Variants in IFT56 observed in about 807,000 individuals in gnomAD.
IFT56 encodes the protein intraflagellar transport 56.
At chr7:139,143,195 G>A in the IFT56 span, among the ~76,000 whole-genome samples, 26 of 152,150 alleles carry the variant, frequency 1.7e-4, no homozygotes, top group East Asian at 4.1e-3. Context: ...CAACTTTAAA[G>A]CTTTTAATTG....
chr7:139,188,108 T>TC, the IFT56 span, among the ~76,000 whole-genome samples: 4 of 149,948 alleles, frequency 2.7e-5, no homozygotes, highest in African/African-American at 4.9e-5. Context: ...TTTCTTTCTT[T>TC]TTTTTTTTTT....
At chr7:139,152,982 C>T in the IFT56 span, among the ~76,000 whole-genome samples, 1 of 151,942 alleles carries the variant, frequency 6.6e-6, no homozygotes, top group South Asian at 2.1e-4. Context: ...AACCCCGACT[C>T]TACTAAAATA....
At chr7:139,176,209 G>A in the IFT56 span, among the ~76,000 whole-genome samples, 16 of 151,746 alleles carry the variant, frequency 1.1e-4, no homozygotes, top group African/African-American at 3.6e-4. Flanking sequence ...AGTATAATTG[G>A]ATTGTTTGTA....
the IFT56 span, among the ~76,000 whole-genome samples, chr7:139,135,733 T>G: frequency 6.6e-6 from 1 of 152,074 alleles, no homozygotes; most frequent in East Asian, 1.9e-4. Context: ...GAAACACATG[T>G]TATAGGAGGG....
chr7:139,181,407 T>C, the IFT56 span, among the ~76,000 whole-genome samples: 2 of 152,248 alleles, frequency 1.3e-5, no homozygotes, highest in African/African-American at 2.4e-5. Context: ...GAAATAATTA[T>C]TTAGACAGGA....
At chr7:139,173,964 C>A in the IFT56 span, 1 of 669,424 alleles carries the variant, frequency 1.5e-6, no homozygotes, top group Non-Finnish European at 2.8e-6. Flanking sequence ...TCCTTTGCTG[C>A]TGCCAGAGGA....
the IFT56 span, among the ~76,000 whole-genome samples, chr7:139,138,904 G>A: frequency 6.7e-6 from 1 of 150,232 alleles, no homozygotes; most frequent in Admixed American, 6.7e-5. Flanking sequence ...TCCGCCTCCC[G>A]GGTTCAAGCA....
chr7:139,190,146 T>G, the IFT56 span: 1 of 152,246 alleles, frequency 6.6e-6, no homozygotes, highest in Non-Finnish European at 1.5e-5. Context: ...TAGTCCATTA[T>G]AGTTTGGTAC....
chr7:139,157,330 A>G, the IFT56 span, among the ~76,000 whole-genome samples: 2 of 150,848 alleles, frequency 1.3e-5, no homozygotes, highest in Admixed American at 1.3e-4. Context: ...GATTTTTAGT[A>G]GAGATGGGGT....
the IFT56 span, among the ~76,000 whole-genome samples, chr7:139,138,183 T>C: frequency 6.6e-6 from 1 of 152,186 alleles, no homozygotes; most frequent in Admixed American, 6.5e-5. Context: ...CCCTTGTCTA[T>C]GATTTTGCTT....
At chr7:139,156,085 T>A in the IFT56 span, among the ~76,000 whole-genome samples, 1 of 152,178 alleles carries the variant, frequency 6.6e-6, no homozygotes, top group African/African-American at 2.4e-5. Context: ...ATAGTTTATG[T>A]CTTTCTAGGA....
the IFT56 span, among the ~76,000 whole-genome samples, chr7:139,144,360 T>C: frequency 3.1e-3 from 479 of 152,244 alleles, 4 homozygotes; most frequent in African/African-American, 0.011. Context: ...ATCAGTCTAA[T>C]TGTTGCTCCT....
the IFT56 span, among the ~76,000 whole-genome samples, chr7:139,164,891 G>A: frequency 1.3e-5 from 2 of 152,112 alleles, no homozygotes; most frequent in African/African-American, 4.8e-5. Flanking sequence ...TTATGACAAG[G>A]CTGTTAAGAA....
the IFT56 span, among the ~76,000 whole-genome samples, chr7:139,165,456 T>C: frequency 6.6e-6 from 1 of 152,186 alleles, no homozygotes; most frequent in Non-Finnish European, 1.5e-5. Context: ...TTTTTTCTTT[T>C]TTCCTTTTAT....
chr7:139,143,837 G>T, the IFT56 span, among the ~76,000 whole-genome samples: 1 of 151,786 alleles, frequency 6.6e-6, no homozygotes. Flanking sequence ...TGCTAGTTAT[G>T]TACATTGGGA....
the IFT56 span, among the ~76,000 whole-genome samples, chr7:139,185,275 A>G: frequency 5.9e-5 from 9 of 151,980 alleles, no homozygotes; most frequent in East Asian, 5.8e-4. Flanking sequence ...AGGATGAAAT[A>G]ACAGGACCAT....
At chr7:139,178,601 G>A in the IFT56 span, 1 of 1,613,372 alleles carries the variant, frequency 6.2e-7, no homozygotes, top group East Asian at 2.2e-5. Context: ...GCGAAGAGGT[G>A]GGTATCTGCT....
chr7:139,159,869 T>C, the IFT56 span, among the ~76,000 whole-genome samples: 1 of 152,220 alleles, frequency 6.6e-6, no homozygotes, highest in Non-Finnish European at 1.5e-5. Context: ...TGAGACCAAA[T>C]GTTAATTCCA....
chr7:139,156,912 A>C, the IFT56 span, among the ~76,000 whole-genome samples: 1 of 152,184 alleles, frequency 6.6e-6, no homozygotes, highest in African/African-American at 2.4e-5. Context: ...AAGTTTTGCC[A>C]TCTTGTTAGT....
Sources: gnomAD v4.1 joint callset for allele counts (sites outside exome capture counted in the v4.1 genomes callset) on GRCh38, gnomAD v4.1.1 for gene constraint, MANE v1.5 for transcripts, NCBI Gene and HGNC (gene_info 2026-07-23, HGNC 2026-07-21) for gene names.